Variants in PCDH9 observed in about 807,000 individuals in gnomAD.
PCDH9 encodes protocadherin-9.
Under a neutral mutation model 70.6 loss-of-function variants are expected in PCDH9, and 24 were observed. That is an observed-to-expected ratio of 0.34 (90% confidence interval 0.25 to 0.48). PCDH9 has a LOEUF of 0.48. Ranked by LOEUF, PCDH9 falls within the 20% of genes least tolerant of loss-of-function variation. The pLI is 0.99. For synonymous variants in PCDH9, 562 were observed against 558.5 expected (o/e 1.01, Z -0.09); for missense variants, 1,281 against 1,503.6 (o/e 0.85, Z 2.45).
At chr13:66,804,592 C>A (rs1285198480) in intron 3 of PCDH9, among the ~76,000 whole-genome samples, 2 of 152,092 alleles carry the variant, frequency 1.3e-5, no homozygotes, top group Non-Finnish European at 2.9e-5. Context: ...AAACAGCAAG[C>A]CTCTTTTGCC....
chr13:66,832,456 T>C (rs1045328340), intron 3 of PCDH9, among the ~76,000 whole-genome samples: 2 of 152,100 alleles, frequency 1.3e-5, no homozygotes, highest in African/African-American at 4.8e-5. Context: ...TAGACATTTA[T>C]GCAAAATCAA....
chr13:67,102,021 T>C (rs879580313), intron 2 of PCDH9, among the ~76,000 whole-genome samples: 17 of 152,194 alleles, frequency 1.1e-4, no homozygotes, highest in Non-Finnish European at 2.4e-4. Context: ...CTAGTATTTA[T>C]AGGAGTTTTA....
intron 4 of PCDH9, among the ~76,000 whole-genome samples, chr13:66,611,693 T>C (rs2077295388): frequency 6.6e-6 from 1 of 152,196 alleles, no homozygotes; most frequent in South Asian, 2.1e-4. Flanking sequence ...GAAATTTGAA[T>C]ATAGGGAAGA....
At chr13:66,978,839 T>C (rs1328871088) in intron 2 of PCDH9, among the ~76,000 whole-genome samples, 1 of 150,850 alleles carries the variant, frequency 6.6e-6, no homozygotes, top group East Asian at 1.9e-4. Context: ...TGAATATGAA[T>C]GTATGTATAT....
intron 2 of PCDH9, among the ~76,000 whole-genome samples, chr13:66,970,143 C>T (rs1039999425): frequency 6.6e-6 from 1 of 152,020 alleles, no homozygotes; most frequent in Non-Finnish European, 1.5e-5. Flanking sequence ...CAGGTTGATG[C>T]TTCTTTAAAC....
intron 4 of PCDH9, among the ~76,000 whole-genome samples, chr13:66,521,314 A>T (rs9540786): frequency 0.24 from 36,875 of 152,014 alleles, 4,884 homozygotes; most frequent in South Asian, 0.35. Flanking sequence ...CATTTTTTCA[A>T]CATTTATTTT....
intron 4 of PCDH9, among the ~76,000 whole-genome samples, chr13:66,566,973 A>G (rs929145723): frequency 6.6e-6 from 1 of 152,160 alleles, no homozygotes; most frequent in Non-Finnish European, 1.5e-5. Flanking sequence ...CAAATCCACT[A>G]GGATCATGTG....
chr13:66,704,344 T>C (rs1444002937), intron 3 of PCDH9, among the ~76,000 whole-genome samples: 1 of 152,226 alleles, frequency 6.6e-6, no homozygotes, highest in Non-Finnish European at 1.5e-5. Context: ...ACAGACAGTT[T>C]AGTTGCCTGA....
intron 4 of PCDH9, among the ~76,000 whole-genome samples, chr13:66,538,206 GA>G (rs2062734011): frequency 6.6e-6 from 1 of 152,052 alleles, no homozygotes; most frequent in African/African-American, 2.4e-5. Context: ...CAGAAAGAAA[GA>G]TGATGCGGTA....
chr13:66,543,906 A>T (rs896788629), intron 4 of PCDH9, among the ~76,000 whole-genome samples: 1 of 152,168 alleles, frequency 6.6e-6, no homozygotes, highest in Non-Finnish European at 1.5e-5. Context: ...ACGGGGACAC[A>T]GCCAACTTCC....
At chr13:66,832,626 G>T (rs2080947836) in intron 3 of PCDH9, among the ~76,000 whole-genome samples, 1 of 152,000 alleles carries the variant, frequency 6.6e-6, no homozygotes, top group Non-Finnish European at 1.5e-5. Flanking sequence ...CTCCATATGG[G>T]ATGATACCAT....
intron 3 of PCDH9, among the ~76,000 whole-genome samples, chr13:66,864,765 TA>T (rs1169553337): frequency 2.6e-5 from 4 of 152,214 alleles, no homozygotes; most frequent in Non-Finnish European, 5.9e-5. Context: ...GAAGTGAAAC[TA>T]GGAAGCATTA....
intron 4 of PCDH9, among the ~76,000 whole-genome samples, chr13:66,555,935 T>G (rs1305350657): frequency 6.7e-6 from 1 of 148,212 alleles, no homozygotes; most frequent in Non-Finnish European, 1.5e-5. Flanking sequence ...ATAAGATATA[T>G]ACATATTATA....
intron 2 of PCDH9, among the ~76,000 whole-genome samples, chr13:66,929,417 G>A (rs932185100): frequency 7.2e-5 from 11 of 151,858 alleles, no homozygotes; most frequent in African/African-American, 1.9e-4. Context: ...TCCACCTCCC[G>A]GGTTCAAGCA....
chr13:66,374,128 T>C (rs763333393), intron 4 of PCDH9, among the ~76,000 whole-genome samples: 6 of 152,070 alleles, frequency 3.9e-5, no homozygotes, highest in Admixed American at 1.3e-4. Flanking sequence ...CAATGCATTG[T>C]GATCAATGCT....
chr13:66,867,820 A>C (rs1455501922), intron 3 of PCDH9, among the ~76,000 whole-genome samples: 1 of 151,964 alleles, frequency 6.6e-6, no homozygotes, highest in Admixed American at 6.6e-5. Flanking sequence ...TTTTTGAAAA[A>C]AATCCTTTTT....
At chr13:67,070,815 C>CT (rs1402140612) in intron 2 of PCDH9, among the ~76,000 whole-genome samples, 1 of 151,810 alleles carries the variant, frequency 6.6e-6, no homozygotes, top group Non-Finnish European at 1.5e-5. Flanking sequence ...TAAGTTGATT[C>CT]TTTTTTTTCT....
intron 3 of PCDH9, among the ~76,000 whole-genome samples, chr13:66,776,876 A>C (rs535832581): frequency 7.2e-6 from 1 of 138,358 alleles, no homozygotes; most frequent in South Asian, 2.5e-4. Flanking sequence ...CTGACTTCAA[A>C]CTATACTACA....
At chr13:66,823,320 C>G (rs182518774) in intron 3 of PCDH9, among the ~76,000 whole-genome samples, 46 of 151,640 alleles carry the variant, frequency 3.0e-4, no homozygotes, top group Non-Finnish European at 5.7e-4. Flanking sequence ...TATAATGTAT[C>G]TAATAAAGGC....
Sources: gnomAD v4.1 joint callset for allele counts (sites outside exome capture counted in the v4.1 genomes callset) on GRCh38, gnomAD v4.1.1 for gene constraint, MANE v1.5 for transcripts, NCBI Gene and HGNC (gene_info 2026-07-23, HGNC 2026-07-21) for gene names.